COA6: variants seen among roughly 807,000 people sequenced by gnomAD.
COA6 encodes the protein cytochrome c oxidase assembly factor 6, also known as cytochrome c oxidase assembly factor 6 homolog.
A neutral mutation model predicts 17.1 loss-of-function variants in COA6; 12 were observed. That is an observed-to-expected ratio of 0.70 (90% CI 0.45 to 1.14). The LOEUF (loss-of-function observed/expected upper bound fraction) is 1.14. Among genes scored for constraint, COA6 ranks in the 50% most tolerant of loss-of-function variants. COA6 has a pLI of 0.00. For missense variants in COA6, 246 were observed against 196.5 expected (o/e 1.25, Z -1.51); for synonymous variants, 90 against 73.4 (o/e 1.23, Z -1.16).
At chr1:234,376,822 A>C (rs1658808923) in intron 2 of COA6, among the ~76,000 whole-genome samples, 1 of 152,108 alleles carries the variant, frequency 6.6e-6, no homozygotes, top group South Asian at 2.1e-4. Flanking sequence ...TGTTCATTAG[A>C]GCTCCCTTCT....
At position 234,385,036 on chromosome 1, in the gene COA6, A is replaced by G. The variant is rs941620995; in HGVS notation, c.*1218A>G. Among the ~76,000 whole-genome samples the G allele has an allele frequency of 7.4e-6, 1 of 134,728 alleles. No individual in the cohort carries two copies. The highest frequency in any genetic ancestry group is 2.5e-5 in the African/African-American group (1 of 40,258). 88.4% of individuals were successfully genotyped at this position (134,728 alleles called of 152,430 possible). A position where few individuals can be genotyped will look rare whatever the true frequency, so the allele number is the denominator to read the frequency against. On this transcript the variant is annotated 3_prime_UTR_variant, in exon 3 of 3. Coordinates refer to ENST00000366615, the MANE Select transcript of COA6 (RefSeq NM_001206641.3). ...TCAGTATATATGCCTTCATTTTAAA[A>G]TACTTTTTATTACTAAAAAATGCTA... is the stretch of plus-strand genomic sequence containing the variant.
rs769353780 is a variant in COA6, at chr1:234,374,239, A to G, written c.222A>G (p.Ala74=). The G allele has an allele frequency of 3.8e-5, 62 of 1,611,222 alleles. No homozygotes were observed. The Admixed American group carries it at 5.2e-4, about 14-fold the overall frequency. The change falls in exon 2 of 3, where the codon GCA becomes GCG. Residue 74 remains alanine (A), a synonymous_variant. Transcript: ENST00000366615. ...TTATTTTGGCCAACAGCTTCATCGC[A>G]GTAGGAATGGCAGCCCCATCTATGA... The part of the protein sequence containing the change: ...AGRGRAESFI[A]VGMAAPSMKE...
At chr1:234,382,267 T>C (rs1353856856) in intron 2 of COA6, among the ~76,000 whole-genome samples, 1 of 152,222 alleles carries the variant, frequency 6.6e-6, no homozygotes, top group Non-Finnish European at 1.5e-5. Context: ...ATGTTCATGT[T>C]GAGAAATGTT....
chr1:234,384,974 C>T lies in COA6; in HGVS notation c.*1156C>T, dbSNP rs1434913953. On this transcript the variant is annotated 3_prime_UTR_variant, in exon 3 of 3. Coordinates refer to ENST00000366615, the MANE Select transcript of COA6 (RefSeq NM_001206641.3). ...AGTACACATAGAAGTTATGTTTATA[C>T]TGTTGTCTAGTAAGTGTGCAATAGC... Among the ~76,000 whole-genome samples, 1 of 152,152 alleles carries T rather than the reference C, an allele frequency of 6.6e-6. No homozygotes were observed. The highest frequency in any genetic ancestry group is 1.9e-4 in the East Asian group (1 of 5,206).
intron 2 of COA6, among the ~76,000 whole-genome samples, chr1:234,382,661 C>A (rs1392538958): frequency 6.6e-6 from 1 of 152,098 alleles, no homozygotes; most frequent in East Asian, 1.9e-4. Flanking sequence ...AGGCTTTTAA[C>A]AAAAGAACTA....
intron 2 of COA6, among the ~76,000 whole-genome samples, chr1:234,379,326 G>A (rs1658902645): frequency 6.6e-6 from 1 of 152,048 alleles, no homozygotes; most frequent in South Asian, 2.1e-4. Flanking sequence ...AGTCCAAGAG[G>A]GAATGTTCAG....
Position 234,378,838 on chromosome 1 carries a change from A to C in COA6, c.372+4449A>C, listed in dbSNP as rs192945316. Among the ~76,000 whole-genome samples, 8 of 151,804 alleles carry C rather than the reference A, an allele frequency of 5.3e-5. No individual in the cohort carries two copies. In the East Asian group the frequency reaches 1.5e-3, roughly 29 times the overall value. ...CAGTAAGCTGAGATTATGCCACTGCACTCCAGCCTGGGTGAGTACAAGACT... is the reference window on the plus strand; with the variant it reads ...CAGTAAGCTGAGATTATGCCACTGCCCTCCAGCCTGGGTGAGTACAAGACT... On this transcript the variant is annotated intron_variant, in intron 2 of 2. Transcript: ENST00000366615.
chr1:234,373,495 C>G lies in COA6; in HGVS notation c.29C>G (p.Pro10Arg), dbSNP rs745325941. The change falls in exon 1 of 3, where the codon CCG becomes CGG. Residue 10 changes from proline to arginine, a missense_variant. Pro to Arg is a moderately radical substitution (Grantham distance 103). Transcript: ENST00000366615. MVARKGQKS[P>R]RFRRVSCFLR... ...GTAGCTCGGAAGGGTCAAAAGAGTC[C>G]GCGGTTTCGCCGCGTGAGTTGCTTT... 1 of 1,589,984 alleles carries G rather than the reference C, an allele frequency of 6.3e-7. No homozygotes were observed. The highest frequency in any genetic ancestry group is 2.3e-5 in the East Asian group (1 of 43,894).
At chr1:234,373,803 G>T (rs780100840) in intron 1 of COA6, 125 bp downstream of exon 1, 1 of 1,613,732 alleles carries the variant, frequency 6.2e-7, no homozygotes, top group African/African-American at 1.3e-5. Flanking sequence ...CCTGCTTGGT[G>T]ATTGTGGCCC....
chr1:234,374,114 T>TG, intron 1 of COA6, 116 bp from the exon 2 acceptor site: 2 of 647,598 alleles, frequency 3.1e-6, no homozygotes, highest in South Asian at 2.6e-5. Flanking sequence ...TTGTTTTTGT[T>TG]TTTTTTTTTT....
chr1:234,381,289 G>A (rs1658964383), intron 2 of COA6, among the ~76,000 whole-genome samples: 1 of 152,192 alleles, frequency 6.6e-6, no homozygotes. Flanking sequence ...TGATTCATTA[G>A]CCTTTTAGAG....
In COA6 at chr1:234,380,604, A is replaced by AT. The variant is rs1408321653; in HGVS notation, c.373-3117dup. Among the ~76,000 whole-genome samples the AT allele has an allele frequency of 2.0e-5, 3 of 152,386 alleles. No individual in the cohort carries two copies. In the East Asian group the frequency reaches 5.8e-4, roughly 29 times the overall value. On this transcript the variant is annotated intron_variant, in intron 2 of 2. Coordinates refer to ENST00000366615, the MANE Select transcript of COA6 (RefSeq NM_001206641.3). ...CCCAAAACACCAAAAATACATGCTT[A>AT]TTACAAAATAAATATGCCATACAAC...
intron 2 of COA6, among the ~76,000 whole-genome samples, chr1:234,379,913 A>G (rs749118978): frequency 2.0e-5 from 3 of 152,208 alleles, no homozygotes; most frequent in Non-Finnish European, 4.4e-5. Context: ...TGGGGATTAC[A>G]ATTCAAGATG....
chr1:234,384,228 G>A lies in COA6; in HGVS notation c.*410G>A, dbSNP rs1659064259. 1.3e-5 allele frequency among the ~76,000 whole-genome samples: 2 copies of A among 151,922 alleles called. No individual in the cohort carries two copies. The highest frequency in any genetic ancestry group is 4.8e-5 in the African/African-American group (2 of 41,366). On this transcript the variant is annotated 3_prime_UTR_variant, in exon 3 of 3. Coordinates refer to ENST00000366615, the MANE Select transcript of COA6 (RefSeq NM_001206641.3). ...TTGTGGAAGGTTTATAAGGAAGAAG[G>A]GTGAACTTAAAATATACAAGTAAAA...
chr1:234,374,125 T>A, intron 1 of COA6, 105 bp from the exon 2 acceptor site: 2 of 1,195,994 alleles, frequency 1.7e-6, no homozygotes, highest in Non-Finnish European at 2.3e-6. Context: ...TTTTTTTTTT[T>A]TTTTAGTTTT....
Position 234,384,175 on chromosome 1 carries a change from A to C in COA6, c.*357A>C, listed in dbSNP as rs1458833543. 1 of 160,218 alleles carries C rather than the reference A, an allele frequency of 6.2e-6. No individual in the cohort carries two copies. 9.9% of individuals were successfully genotyped at this position (160,218 alleles called of 1,614,324 possible). A position where few individuals can be genotyped will look rare whatever the true frequency, so the allele number is the denominator to read the frequency against. On this transcript the variant is annotated 3_prime_UTR_variant, in exon 3 of 3. Transcript: ENST00000366615. ...TTTTAATACAGGCAAGAGCTATTAC[A>C]ACAACCCAAGTGAGAAATGATGAGG...
In COA6 at chr1:234,376,266, C is replaced by T. The variant is rs77241065; in HGVS notation, c.372+1877C>T. On this transcript the variant is annotated intron_variant, in intron 2 of 2. Transcript: ENST00000366615. Reference sequence around the variant, plus strand: ...CTGATGGCTCCCACTCCCACACTTCCGGGGCAGCTTCCAGTCTGTGTGCCA... The same window carrying T: ...CTGATGGCTCCCACTCCCACACTTCTGGGGCAGCTTCCAGTCTGTGTGCCA... Among the ~76,000 whole-genome samples, 3 of 47,310 alleles carry T rather than the reference C, an allele frequency of 6.3e-5. No individual in the cohort carries two copies. The African/African-American group carries it at 7.0e-4, about 11-fold the overall frequency. The allele number at this position is 47,310 out of a possible 152,430, so 31.0% of individuals were successfully genotyped here. A position where few individuals can be genotyped will look rare whatever the true frequency, so the allele number is the denominator to read the frequency against.
intron 2 of COA6, among the ~76,000 whole-genome samples, chr1:234,377,072 G>T (rs1034778568): frequency 1.0e-5 from 1 of 97,916 alleles, no homozygotes; most frequent in Non-Finnish European, 2.2e-5. Flanking sequence ...GAGAGAGAGA[G>T]AGAGAGAGAG....
intron 2 of COA6, among the ~76,000 whole-genome samples, chr1:234,381,187 AT>A: frequency 6.6e-6 from 1 of 152,254 alleles, no homozygotes; most frequent in African/African-American, 2.4e-5. Flanking sequence ...AAATCCCAGT[AT>A]TTTGGCATTC....
Sources: gnomAD v4.1 joint callset for allele counts (sites outside exome capture counted in the v4.1 genomes callset) on GRCh38, gnomAD v4.1.1 for gene constraint, MANE v1.5 for transcripts, NCBI Gene and HGNC (gene_info 2026-07-23, HGNC 2026-07-21) for gene names.